The following NIBAN1 variants were observed in gnomAD, a reference collection of about 807,000 sequenced individuals.
NIBAN1 encodes niban apoptosis regulator 1, also known as protein Niban 1.
A neutral mutation model predicts 75.1 loss-of-function variants in NIBAN1; 81 were observed. The observed-to-expected ratio is 1.08, with a 90% CI of 0.90 to 1.30. NIBAN1 has a LOEUF of 1.30. Ranked by LOEUF, NIBAN1 falls within the 50% of genes most tolerant of loss-of-function variation. NIBAN1 has a pLI of 0.00. For missense variants in NIBAN1, 1,133 were observed against 1,128.1 expected (o/e 1.00, Z -0.06); for synonymous variants, 436 against 424.8 (o/e 1.03, Z -0.32).
rs1031707523 is a variant in NIBAN1, at chr1:184,869,324, C to T, written c.601+15309G>A. Among the ~76,000 whole-genome samples, 3 of 152,028 alleles carry T rather than the reference C, an allele frequency of 2.0e-5. No homozygotes were observed. In the East Asian group the frequency reaches 5.8e-4, roughly 29 times the overall value. On this transcript the variant is annotated intron_variant, in intron 5 of 13. Coordinates refer to ENST00000367511, the MANE Select transcript of NIBAN1 (RefSeq NM_052966.4). The stretch of plus-strand genomic sequence containing the variant: ...AGTGAGCTCTTACGTAAAATTAGAT[C>T]GTCCAGTATAAAAAGCGAAAGGGTC...
intron 11 of NIBAN1, among the ~76,000 whole-genome samples, chr1:184,805,577 T>A (rs1420658360): frequency 6.6e-6 from 1 of 152,244 alleles, no homozygotes; most frequent in Non-Finnish European, 1.5e-5. Flanking sequence ...TTCGCCAGTT[T>A]AATGGATTTT....
chr1:184,917,500 T>C (rs974603726), intron 1 of NIBAN1, among the ~76,000 whole-genome samples: 20 of 150,990 alleles, frequency 1.3e-4, no homozygotes, highest in South Asian at 4.2e-4. Context: ...TGAGCCACCC[T>C]GCCCGGCCGG....
chr1:184,821,862 C>G (rs1001568509), intron 8 of NIBAN1, among the ~76,000 whole-genome samples: 1 of 152,076 alleles, frequency 6.6e-6, no homozygotes, highest in Non-Finnish European at 1.5e-5. Context: ...TAAATAGACA[C>G]CCAGAGATAC....
Position 184,899,235 on chromosome 1 carries a change from C to A in NIBAN1, c.130G>T (p.Val44Leu). Residue 44 changes from valine to leucine, a missense_variant, in exon 2 of 14, where the codon GTG becomes TTG. Coordinates refer to ENST00000367511, the MANE Select transcript of NIBAN1 (RefSeq NM_052966.4). ...RQYSVAFCNH[V>L]RTEVEQQRDL... ...CTTTGCTGTTCTACTTCAGTGCGCA[C>A]GTGATTGCAGAAAGCCACAGAGTAC... 6.2e-7 allele frequency: 1 copy of A among 1,613,932 alleles called. No homozygotes were observed.
At chr1:184,877,637 T>G (rs1656266940) in intron 5 of NIBAN1, among the ~76,000 whole-genome samples, 1 of 152,158 alleles carries the variant, frequency 6.6e-6, no homozygotes, top group African/African-American at 2.4e-5. Context: ...CTCCAGGATA[T>G]TTATATTTAA....
At chr1:184,872,845 A>G (rs192261508) in intron 5 of NIBAN1, among the ~76,000 whole-genome samples, 124 of 152,350 alleles carry the variant, frequency 8.1e-4, no homozygotes, top group Non-Finnish European at 4.3e-4. Context: ...TGCTTAAACA[A>G]TAACCCACAG....
At chr1:184,867,900 C>A in intron 5 of NIBAN1, 1 of 985,366 alleles carries the variant, frequency 1.0e-6, no homozygotes, top group South Asian at 4.7e-5. Flanking sequence ...TTTTGTCTAC[C>A]CCGTCACTTA....
intron 1 of NIBAN1, among the ~76,000 whole-genome samples, chr1:184,921,917 C>G (rs1392889774): frequency 6.6e-6 from 1 of 152,064 alleles, no homozygotes; most frequent in Non-Finnish European, 1.5e-5. Flanking sequence ...ATCAATAATA[C>G]CAATTGGGGC....
At chr1:184,818,509 G>T in intron 9 of NIBAN1, 129 bp downstream of exon 9, 1 of 890,436 alleles carries the variant, frequency 1.1e-6, no homozygotes, top group Non-Finnish European at 1.7e-6. Context: ...CTGGATGAAT[G>T]GAGGGAAGGG....
At position 184,794,515 on chromosome 1, in the gene NIBAN1, C is replaced by T. The variant is rs190747649; in HGVS notation, c.*462G>A. 69 of 237,600 alleles carry T rather than the reference C, an allele frequency of 2.9e-4. No homozygotes were observed. The highest frequency in any genetic ancestry group is 1.6e-3 in the Middle Eastern group (1 of 618). The allele number at this position is 237,600 out of a possible 1,614,324, so 14.7% of individuals were successfully genotyped here. A position where few individuals can be genotyped will look rare whatever the true frequency, so the allele number is the denominator to read the frequency against. On this transcript the variant is annotated 3_prime_UTR_variant, in exon 14 of 14. Coordinates refer to ENST00000367511, the MANE Select transcript of NIBAN1 (RefSeq NM_052966.4). ...TTGCAGTCTGACTGTGGACAAATGC[C>T]GAGTCCTTAAGAGATGGTGAAGTAG...
intron 5 of NIBAN1, among the ~76,000 whole-genome samples, chr1:184,852,817 C>T (rs989901862): frequency 2.0e-5 from 3 of 152,110 alleles, no homozygotes; most frequent in African/African-American, 7.2e-5. Flanking sequence ...ACTCATCTTT[C>T]TCTGGGCTGC....
At position 184,957,864 on chromosome 1, in the gene NIBAN1, T is replaced by G. The variant is rs111416722; in HGVS notation, c.55+16438A>C. The stretch of plus-strand genomic sequence containing the variant: ...TTTATTTATTTTTTATTGTATGCCT[T>G]ACTTCCCAAATATAAATATTTTATT... On this transcript the variant is annotated intron_variant, in intron 1 of 13. Transcript: ENST00000367511. 8.6e-3 allele frequency among the ~76,000 whole-genome samples: 1,308 copies of G among 152,320 alleles called. 15 individuals are homozygous for G. Among genetic ancestry groups the G allele is most frequent in the South Asian group, 0.019 (91 of 4,824 alleles).
intron 12 of NIBAN1, among the ~76,000 whole-genome samples, chr1:184,799,612 C>T (rs845626): frequency 0.44 from 50,255 of 113,884 alleles, 12,074 homozygotes; most frequent in African/African-American, 0.64. Context: ...CCTGAGGAAT[C>T]GCCACACTGA....
chr1:184,901,365 A>G (rs1197070756), intron 1 of NIBAN1, among the ~76,000 whole-genome samples: 1 of 152,202 alleles, frequency 6.6e-6, no homozygotes, highest in Non-Finnish European at 1.5e-5. Flanking sequence ...TGGTATTACT[A>G]TTAATCAGTA....
intron 5 of NIBAN1, among the ~76,000 whole-genome samples, chr1:184,841,295 A>T (rs1274942902): frequency 6.6e-6 from 1 of 152,178 alleles, no homozygotes; most frequent in Non-Finnish European, 1.5e-5. Context: ...GGTTTCATTT[A>T]GTTGCAAGCT....
intron 1 of NIBAN1, among the ~76,000 whole-genome samples, chr1:184,926,255 T>C (rs754037318): frequency 5.3e-5 from 8 of 152,344 alleles, no homozygotes; most frequent in Non-Finnish European, 1.2e-4. Flanking sequence ...GTTTTTGTTT[T>C]TAAGACGAGA....
At chr1:184,843,807 T>A (rs1190890992) in intron 5 of NIBAN1, among the ~76,000 whole-genome samples, 1 of 152,146 alleles carries the variant, frequency 6.6e-6, no homozygotes, top group African/African-American at 2.4e-5. Flanking sequence ...AACCATCTAA[T>A]TCCCTCTTTA....
At chr1:184,821,669 T>C (rs542698290) in intron 8 of NIBAN1, among the ~76,000 whole-genome samples, 1 of 152,216 alleles carries the variant, frequency 6.6e-6, no homozygotes, top group African/African-American at 2.4e-5. Flanking sequence ...AGGCCCAACT[T>C]AGCTCCAGAT....
chr1:184,917,427 A>T (rs12732450), intron 1 of NIBAN1, among the ~76,000 whole-genome samples: 6 of 143,066 alleles, frequency 4.2e-5, no homozygotes, highest in Non-Finnish European at 9.0e-5. Flanking sequence ...TTAGCCAGGA[A>T]GGTCTTGATC....
Sources: allele counts gnomAD v4.1 joint callset (sites outside exome capture counted in the v4.1 genomes callset), GRCh38; gene constraint gnomAD v4.1.1; transcripts MANE v1.5; gene names NCBI Gene and HGNC (gene_info 2026-07-23, HGNC 2026-07-21).